Variants in GPC6 observed in about 807,000 individuals in gnomAD.
GPC6 encodes the protein glypican 6.
Under a neutral mutation model 55.2 loss-of-function variants are expected in GPC6, and 14 were observed. The observed-to-expected ratio is 0.25, with a 90% confidence interval of 0.17 to 0.40. The LOEUF (loss-of-function observed/expected upper bound fraction) is 0.40, where lower values mean the gene tolerates loss of function less well. Ranked by LOEUF, GPC6 falls within the 10% of genes least tolerant of loss-of-function variation. GPC6 has a pLI of 1.00. For missense variants in GPC6, 641 were observed against 708.5 expected, an observed-to-expected ratio of 0.90 and a Z score of 1.08; for synonymous variants, 278 against 259.6, an observed-to-expected ratio of 1.07 and a Z score of -0.68.
chr13:93,721,846 T>A (rs1485093552), intron 2 of GPC6, among the ~76,000 whole-genome samples: 1 of 151,750 alleles, frequency 6.6e-6, no homozygotes, highest in Non-Finnish European at 1.5e-5. Flanking sequence ...ATTAAGGCAA[T>A]CTTTTGCTAC....
chr13:93,285,632 G>GTGTGTGTGTGTGTGTA (rs1555287676), intron 1 of GPC6, among the ~76,000 whole-genome samples: 77 of 142,310 alleles, frequency 5.4e-4, no homozygotes, highest in Middle Eastern at 3.5e-3. Flanking sequence ...GTGTGTGTGT[G>GTGTGTGTGTGTGTGTA]TGTGTGTGTG....
chr13:93,230,044 ATCTTT>A (rs1230111779), intron 1 of GPC6, among the ~76,000 whole-genome samples: 1 of 152,090 alleles, frequency 6.6e-6, no homozygotes, highest in African/African-American at 2.4e-5. Flanking sequence ...GTAAGTGGTT[ATCTTT>A]TCTTAAACTC....
At chr13:94,191,162 C>T (rs749198257) in intron 4 of GPC6, among the ~76,000 whole-genome samples, 2 of 152,120 alleles carry the variant, frequency 1.3e-5, no homozygotes, top group Non-Finnish European at 2.9e-5. Flanking sequence ...ACATGTGGCA[C>T]CTAAGAAGCT....
At chr13:93,488,422 A>G (rs930861180) in intron 1 of GPC6, among the ~76,000 whole-genome samples, 2 of 152,332 alleles carry the variant, frequency 1.3e-5, no homozygotes, top group East Asian at 1.9e-4. Context: ...TAGTGCTGCA[A>G]TAAACATACG....
intron 1 of GPC6, among the ~76,000 whole-genome samples, chr13:93,377,489 G>A (rs542264179): frequency 6.6e-6 from 1 of 152,284 alleles, no homozygotes; most frequent in African/African-American, 2.4e-5. Flanking sequence ...GGGAGGGTGA[G>A]CCTGACTTAA....
intron 2 of GPC6, among the ~76,000 whole-genome samples, chr13:93,644,625 T>G (rs1880093349): frequency 6.6e-6 from 1 of 152,024 alleles, no homozygotes; most frequent in Admixed American, 6.6e-5. Flanking sequence ...TTTAAATGAC[T>G]TTTTGTAGGC....
intron 2 of GPC6, among the ~76,000 whole-genome samples, chr13:93,742,125 A>G (rs911945209): frequency 6.6e-6 from 1 of 152,182 alleles, no homozygotes; most frequent in Non-Finnish European, 1.5e-5. Flanking sequence ...GATATTTGAC[A>G]TAAATAAATA....
At chr13:94,072,468 G>A (rs1217226103) in intron 4 of GPC6, among the ~76,000 whole-genome samples, 4 of 152,154 alleles carry the variant, frequency 2.6e-5, no homozygotes, top group Non-Finnish European at 4.4e-5. Context: ...ATTCTTCTGC[G>A]TCAGCCTGCC....
At chr13:93,410,238 G>A (rs190662379) in intron 1 of GPC6, among the ~76,000 whole-genome samples, 461 of 152,214 alleles carry the variant, frequency 3.0e-3, no homozygotes, top group South Asian at 6.4e-3. Flanking sequence ...TTATTCATAG[G>A]TTGCATTTTT....
intron 3 of GPC6, among the ~76,000 whole-genome samples, chr13:93,933,791 C>T (rs56296751): frequency 0.016 from 2,452 of 152,074 alleles, 74 homozygotes; most frequent in East Asian, 0.12. Flanking sequence ...TGTTTAAATC[C>T]AATAGTAGAC....
chr13:93,885,599 A>T (rs762496450), intron 3 of GPC6, among the ~76,000 whole-genome samples: 4 of 152,108 alleles, frequency 2.6e-5, no homozygotes, highest in Non-Finnish European at 5.9e-5. Context: ...GCGACAGATG[A>T]CTGAAAATAA....
chr13:93,890,136 C>CTA (rs1272593276), intron 3 of GPC6, among the ~76,000 whole-genome samples: 1 of 152,054 alleles, frequency 6.6e-6, no homozygotes, highest in Non-Finnish European at 1.5e-5. Context: ...CTGAAGATTC[C>CTA]AGAGGCTGTG....
intron 2 of GPC6, among the ~76,000 whole-genome samples, chr13:93,582,154 G>A (rs1876967756): frequency 6.6e-6 from 1 of 152,144 alleles, no homozygotes; most frequent in Non-Finnish European, 1.5e-5. Context: ...GTTATTTTTA[G>A]TTTTAAATAA....
intron 2 of GPC6, among the ~76,000 whole-genome samples, chr13:93,661,073 A>C (rs963588429): frequency 2.6e-5 from 4 of 152,100 alleles, no homozygotes; most frequent in African/African-American, 7.2e-5. Context: ...GACTTAGTAA[A>C]CTCATCTGTA....
rs571294639 is a variant in GPC6, at chr13:93,989,944, ATTC to A, written c.712-37782_712-37780del. Among the ~76,000 whole-genome samples the A allele has an allele frequency of 1.5e-3, 229 of 148,748 alleles. 1 individual carries two copies. Among genetic ancestry groups the A allele is most frequent in the African/African-American group, 5.2e-3 (212 of 40,936 alleles). On this transcript the variant is annotated intron_variant, in intron 3 of 8. Transcript: ENST00000377047. ...CATATATATATATGTATATATATAT[ATTC>A]TTTTCTTTGTATAAAATATGTAAAG...
chr13:93,830,525 G>A lies in GPC6; in HGVS notation c.691G>A (p.Val231Ile). The A allele has an allele frequency of 6.3e-7, 1 of 1,582,226 alleles. No individual in the cohort carries two copies. Among genetic ancestry groups the A allele is most frequent in the Non-Finnish European group, 8.6e-7 (1 of 1,161,970 alleles). Reference sequence around the variant, plus strand: ...CCAGGGGCTGACTGTGGGCAGAGAAGTTGCAAACCGAGTTTCCAAGGTAAT... The same window carrying A: ...CCAGGGGCTGACTGTGGGCAGAGAAATTGCAAACCGAGTTTCCAAGGTAAT... Reference protein sequence around the residue: ...FVQGLTVGREVANRVSKVSPT... With the variant: ...FVQGLTVGREIANRVSKVSPT... The change falls in exon 3 of 9, where the codon GTT becomes ATT. Residue 231 changes from valine (V) to isoleucine (I), a missense_variant. Val to Ile is a conservative substitution (Grantham distance 29, BLOSUM62 3). Coordinates refer to ENST00000377047, the MANE Select transcript of GPC6 (RefSeq NM_005708.5).
intron 3 of GPC6, among the ~76,000 whole-genome samples, chr13:94,008,124 A>T (rs978624768): frequency 1.3e-5 from 2 of 152,124 alleles, no homozygotes; most frequent in African/African-American, 4.8e-5. Flanking sequence ...TTCTTCTCAA[A>T]TGCAGCACAT....
At chr13:93,669,793 T>C (rs1566478013) in intron 2 of GPC6, among the ~76,000 whole-genome samples, 1 of 152,044 alleles carries the variant, frequency 6.6e-6, no homozygotes, top group Non-Finnish European at 1.5e-5. Flanking sequence ...GTATCATTTA[T>C]TCCAATCTGT....
intron 3 of GPC6, among the ~76,000 whole-genome samples, chr13:93,870,536 G>A (rs1388193854): frequency 2.0e-5 from 3 of 151,710 alleles, no homozygotes; most frequent in African/African-American, 7.3e-5. Flanking sequence ...TTACTGTTAT[G>A]GGCTGAATTG....
Sources: allele counts gnomAD v4.1 joint callset (sites outside exome capture counted in the v4.1 genomes callset), GRCh38; gene constraint gnomAD v4.1.1; transcripts MANE v1.5; gene names NCBI Gene and HGNC (gene_info 2026-07-23, HGNC 2026-07-21).